MACROH2A1: variants seen among roughly 807,000 people sequenced by gnomAD.
MACROH2A1 encodes the protein core histone macro-H2A.1.
In MACROH2A1, 2 loss-of-function variants were observed where a neutral mutation model predicts 31.6. That is an observed-to-expected ratio of 0.06 (90% CI 0.03 to 0.20). MACROH2A1 has a LOEUF of 0.20. Ranked by LOEUF, MACROH2A1 falls within the 10% of genes least tolerant of loss-of-function variation. MACROH2A1 has a pLI of 1.00. For synonymous variants in MACROH2A1, 169 were observed against 189.6 expected, an observed-to-expected ratio of 0.89 and a Z score of 0.89; for missense variants, 230 against 474.0, an observed-to-expected ratio of 0.49 and a Z score of 4.78.
intron 2 of MACROH2A1, among the ~76,000 whole-genome samples, chr5:135,376,305 C>T (rs1354217727): frequency 6.6e-6 from 1 of 152,114 alleles, no homozygotes; most frequent in African/African-American, 2.4e-5. Flanking sequence ...TCTGCCTTCC[C>T]ACAAAGTCTC....
chr5:135,387,886 G>A (rs986519655), intron 2 of MACROH2A1, among the ~76,000 whole-genome samples: 3 of 152,148 alleles, frequency 2.0e-5, no homozygotes, highest in African/African-American at 7.2e-5. Context: ...ACCTTATTGT[G>A]TTAGAAGGCA....
intron 2 of MACROH2A1, among the ~76,000 whole-genome samples, chr5:135,379,996 C>G (rs776786518): frequency 2.6e-5 from 4 of 152,190 alleles, no homozygotes; most frequent in African/African-American, 7.2e-5. Flanking sequence ...TACCTCCCCT[C>G]ACACAGGTGT....
chr5:135,344,921 C>T (rs1760576682), intron 7 of MACROH2A1: 1 of 152,218 alleles, frequency 6.6e-6, no homozygotes, highest in African/African-American at 2.4e-5. Context: ...AGGACTCAAG[C>T]TGGAACCCCG....
At chr5:135,383,819 G>A (rs115342118) in intron 2 of MACROH2A1, among the ~76,000 whole-genome samples, 256 of 151,996 alleles carry the variant, frequency 1.7e-3, no homozygotes, top group Non-Finnish European at 2.9e-3. Context: ...AAGCCCCAGT[G>A]CAGCATGAGT....
intron 1 of MACROH2A1, among the ~76,000 whole-genome samples, chr5:135,390,182 T>A (rs1489706060): frequency 6.6e-6 from 1 of 152,218 alleles, no homozygotes. Context: ...GGGACCTCCA[T>A]TATCTCTCAC....
At chr5:135,354,883 T>C in intron 5 of MACROH2A1, 1 of 364,552 alleles carries the variant, frequency 2.7e-6, no homozygotes. Context: ...CCCCACACAG[T>C]GTGAAGAGGC....
chr5:135,343,581 G>A lies in MACROH2A1; in HGVS notation c.779-147C>T, dbSNP rs1760303190. The A allele has an allele frequency of 5.5e-6, 7 of 1,267,800 alleles. No individual in the cohort carries two copies. The East Asian group carries it at 1.2e-4, about 22-fold the overall frequency. 78.5% of individuals were successfully genotyped at this position (1,267,800 alleles called of 1,614,324 possible). Reference sequence around the variant, plus strand: ...CCGAGGAGTTCCACAGCTGTCTGCTGCGTTGTGATTCCAACGTGAGCTGGA... The same window carrying A: ...CCGAGGAGTTCCACAGCTGTCTGCTACGTTGTGATTCCAACGTGAGCTGGA... On this transcript the variant is annotated intron_variant, in intron 7 of 8. Transcript: ENST00000511689.
intron 4 of MACROH2A1, 149 bp from the exon 5 acceptor site, chr5:135,360,756 A>C (rs760031471): frequency 4.2e-6 from 3 of 707,870 alleles, no homozygotes; most frequent in Non-Finnish European, 7.7e-6. Context: ...GGGGGAGCTC[A>C]GACTCATTTT....
chr5:135,342,756 C>T (rs1760116747), intron 8 of MACROH2A1, among the ~76,000 whole-genome samples: 1 of 152,112 alleles, frequency 6.6e-6, no homozygotes, highest in Non-Finnish European at 1.5e-5. Flanking sequence ...GGCAGTAAGA[C>T]AGGGAGTCAG....
intron 2 of MACROH2A1, among the ~76,000 whole-genome samples, chr5:135,380,569 T>A (rs1765528837): frequency 6.6e-6 from 1 of 152,188 alleles, no homozygotes; most frequent in Admixed American, 6.5e-5. Flanking sequence ...AGCCTCAGGC[T>A]GGGCCCAGGA....
At chr5:135,336,710 G>A (rs1372450613) in intron 8 of MACROH2A1, among the ~76,000 whole-genome samples, 1 of 152,204 alleles carries the variant, frequency 6.6e-6, no homozygotes, top group South Asian at 2.1e-4. Flanking sequence ...TGCTGAGAGT[G>A]GGCAGGTCAT....
intron 1 of MACROH2A1, among the ~76,000 whole-genome samples, chr5:135,397,776 G>A (rs539926526): frequency 6.6e-6 from 1 of 152,168 alleles, no homozygotes; most frequent in Non-Finnish European, 1.5e-5. Context: ...CTGACAACAG[G>A]CTAGTAGCCT....
chr5:135,359,931 T>A, intron 5 of MACROH2A1: 1 of 983,774 alleles, frequency 1.0e-6, no homozygotes, highest in Non-Finnish European at 1.2e-6. Context: ...CAAAGTTGCA[T>A]CACTGGGGCG....
chr5:135,392,886 A>G (rs188637418), intron 1 of MACROH2A1, among the ~76,000 whole-genome samples: 64 of 152,340 alleles, frequency 4.2e-4, no homozygotes, highest in African/African-American at 1.2e-3. Context: ...TAAGGGCCTC[A>G]AAGAGTTGGT....
chr5:135,383,000 T>C (rs538503737), intron 2 of MACROH2A1, among the ~76,000 whole-genome samples: 58 of 152,320 alleles, frequency 3.8e-4, no homozygotes, highest in African/African-American at 1.4e-3. Context: ...TTGGGTAAGA[T>C]AGAGAAGTAC....
intron 1 of MACROH2A1, among the ~76,000 whole-genome samples, chr5:135,391,917 T>C (rs1581373154): frequency 6.6e-6 from 1 of 152,312 alleles, no homozygotes; most frequent in East Asian, 1.9e-4. Context: ...CTGCCTACTC[T>C]GATGATTCCC....
At chr5:135,389,623 T>C (rs1468444835) in intron 1 of MACROH2A1, among the ~76,000 whole-genome samples, 1 of 152,168 alleles carries the variant, frequency 6.6e-6, no homozygotes, top group African/African-American at 2.4e-5. Context: ...GTACAGTGTA[T>C]AGTCAGGTTG....
At chr5:135,383,278 A>C (rs10515472) in intron 2 of MACROH2A1, among the ~76,000 whole-genome samples, 5,592 of 152,348 alleles carry the variant, frequency 0.037, 382 homozygotes, top group African/African-American at 0.13. Context: ...TTTGCTTTGT[A>C]AGAGTATGCA....
intron 2 of MACROH2A1, among the ~76,000 whole-genome samples, chr5:135,380,515 G>A (rs1284858396): frequency 6.6e-5 from 10 of 152,098 alleles, no homozygotes; most frequent in Non-Finnish European, 1.2e-4. Flanking sequence ...CTTGGGTTCC[G>A]TAGCAGGCAG....
Sources: gnomAD v4.1 joint callset for allele counts (sites outside exome capture counted in the v4.1 genomes callset) on GRCh38, gnomAD v4.1.1 for gene constraint, MANE v1.5 for transcripts, NCBI Gene and HGNC (gene_info 2026-07-23, HGNC 2026-07-21) for gene names.